The following MYLIP variants were observed in gnomAD, a reference collection of about 807,000 sequenced individuals.
MYLIP encodes the protein myosin regulatory light chain interacting protein, also known as E3 ubiquitin-protein ligase MYLIP.
Under a neutral mutation model 45.8 loss-of-function variants are expected in MYLIP, and 26 were observed. The ratio of observed to expected loss-of-function variants is 0.57; its 90% CI spans 0.42 to 0.79. MYLIP has a LOEUF of 0.79. Ranked by LOEUF, MYLIP falls within the 30% of genes least tolerant of loss-of-function variation. The pLI is 0.00. For missense variants in MYLIP, 494 were observed against 555.6 expected (o/e 0.89, Z 1.11); for synonymous variants, 213 against 218.1 (o/e 0.98, Z 0.21).
intron 2 of MYLIP, 65 bp downstream of exon 2, chr6:16,130,812 A>G: frequency 1.4e-6 from 2 of 1,475,464 alleles, no homozygotes; most frequent in Non-Finnish European, 1.8e-6. Flanking sequence ...GGGCCGCTGC[A>G]CCTTCCCAGA....
the MYLIP span, among the ~76,000 whole-genome samples, chr6:16,158,072 T>C: frequency 6.6e-6 from 1 of 152,230 alleles, no homozygotes; most frequent in Admixed American, 6.5e-5. Context: ...ACATGTGCTC[T>C]GGAGGAAGCT....
At chr6:16,134,154 C>T (rs1759508270) in intron 2 of MYLIP, among the ~76,000 whole-genome samples, 1 of 152,114 alleles carries the variant, frequency 6.6e-6, no homozygotes, top group Admixed American at 6.6e-5. Flanking sequence ...TGTTTATTAT[C>T]AGTCACTCTA....
intron 6 of MYLIP, 93 bp downstream of exon 6, chr6:16,145,410 A>G: frequency 7.2e-7 from 1 of 1,398,002 alleles, no homozygotes; most frequent in Non-Finnish European, 9.6e-7. Flanking sequence ...GCTAATGCAC[A>G]GACGGGGAAT....
chr6:16,147,324 A>G lies in MYLIP; in HGVS notation c.*573A>G, dbSNP rs972360369. On this transcript the variant is annotated 3_prime_UTR_variant, in exon 7 of 7. Coordinates refer to ENST00000356840, the MANE Select transcript of MYLIP (RefSeq NM_013262.4). The stretch of plus-strand genomic sequence containing the variant: ...TACAAATCAATTCTGTGACTTTTAA[A>G]AAGTTGACAATGTTGTCAGATTTAA... The G allele has an allele frequency of 6.5e-6, 1 of 153,480 alleles. No homozygotes were observed. The highest frequency in any genetic ancestry group is 1.5e-5 in the Non-Finnish European group (1 of 68,596). The allele number at this position is 153,480 out of a possible 1,614,324, so 9.5% of individuals were successfully genotyped here.
chr6:16,155,421 G>T, the MYLIP span, among the ~76,000 whole-genome samples: 2 of 152,224 alleles, frequency 1.3e-5, no homozygotes, highest in Admixed American at 1.3e-4. Flanking sequence ...GCAAGGGAAT[G>T]AATGACTAAA....
chr6:16,129,433 G>A lies in MYLIP; in HGVS notation c.87+24G>A. On this transcript the variant is annotated intron_variant, in intron 1 of 6. Coordinates refer to ENST00000356840, the MANE Select transcript of MYLIP (RefSeq NM_013262.4). This position sits in a 1 kb window ranked among gnomAD's most constrained non-coding sequence, Gnocchi z 5.1. Reference sequence around the variant, plus strand: ...AGGTGAGGGCGAGGGGCAAGAAGGGGCCCCGGCGGGTCCCGCGAGGCCGAG... The same window carrying A: ...AGGTGAGGGCGAGGGGCAAGAAGGGACCCCGGCGGGTCCCGCGAGGCCGAG... 3.2e-6 allele frequency: 5 copies of A among 1,563,288 alleles called. No individual in the cohort carries two copies. The East Asian group carries it at 1.2e-4, about 37-fold the overall frequency.
At chr6:16,158,212 C>T in the MYLIP span, among the ~76,000 whole-genome samples, 1 of 152,242 alleles carries the variant, frequency 6.6e-6, no homozygotes, top group Non-Finnish European at 1.5e-5. Flanking sequence ...CACACCGTCC[C>T]CGCCACTGAA....
In MYLIP at chr6:16,147,426, C is replaced by T. The variant is rs946814698; in HGVS notation, c.*675C>T. 1 of 152,598 alleles carries T rather than the reference C, an allele frequency of 6.6e-6. No homozygotes were observed. Among genetic ancestry groups the T allele is most frequent in the Non-Finnish European group, 1.5e-5 (1 of 68,056 alleles). 9.5% of individuals were successfully genotyped at this position (152,598 alleles called of 1,614,324 possible). ...CCTTTACGCTCCCCCTATCCCTACCCCACAAGCCTTTCGATTATAAAATAC... is the reference window on the plus strand; with the variant it reads ...CCTTTACGCTCCCCCTATCCCTACCTCACAAGCCTTTCGATTATAAAATAC... On this transcript the variant is annotated 3_prime_UTR_variant, in exon 7 of 7. Transcript: ENST00000356840.
chr6:16,137,318 C>CT (rs919584029), intron 2 of MYLIP, among the ~76,000 whole-genome samples: 55 of 152,298 alleles, frequency 3.6e-4, no homozygotes, highest in African/African-American at 1.3e-3. Flanking sequence ...ACTCATTGGA[C>CT]TGAGGCAGGC....
At chr6:16,142,405 C>A (rs150640386) in intron 3 of MYLIP, among the ~76,000 whole-genome samples, 2 of 152,208 alleles carry the variant, frequency 1.3e-5, no homozygotes, top group African/African-American at 4.8e-5. Context: ...AAGAATTAAA[C>A]CAGGAGATCT....
the MYLIP span, among the ~76,000 whole-genome samples, chr6:16,161,939 TTGTC>T: frequency 6.6e-6 from 1 of 152,188 alleles, no homozygotes; most frequent in African/African-American, 2.4e-5. Flanking sequence ...TTGGTAAAAA[TTGTC>T]AGTTACCAAA....
intron 2 of MYLIP, among the ~76,000 whole-genome samples, chr6:16,134,708 A>G (rs1759516594): frequency 6.6e-6 from 1 of 152,244 alleles, no homozygotes; most frequent in Admixed American, 6.5e-5. Flanking sequence ...CCCAAACACA[A>G]AATAGGCCCT....
At chr6:16,134,204 G>A (rs759691355) in intron 2 of MYLIP, among the ~76,000 whole-genome samples, 1 of 152,154 alleles carries the variant, frequency 6.6e-6, no homozygotes, top group Non-Finnish European at 1.5e-5. Context: ...TATCAACATT[G>A]TATCCCCAGA....
downstream of MYLIP, among the ~76,000 whole-genome samples, chr6:16,151,363 AAAAAG>A (rs1759878811): frequency 6.6e-6 from 1 of 151,634 alleles, no homozygotes; most frequent in African/African-American, 2.4e-5. Flanking sequence ...TCTCAAAAAA[AAAAAG>A]AAAAAAGAAA....
chr6:16,144,942 C>T lies in MYLIP; in HGVS notation c.873C>T (p.Asp291=). Residue 291 remains aspartate, a synonymous_variant, in exon 6 of 7, where the codon GAC becomes GAT. Transcript: ENST00000356840. ...CCGTGATGATGCAGTATAGCCGTGA[C>T]TTGAAGGGCCACTTGGCATCTCTGT... is the stretch of plus-strand genomic sequence containing the variant. ...TSAVMMQYSR[D]LKGHLASLFL... The T allele has an allele frequency of 6.2e-7, 1 of 1,614,192 alleles. No homozygotes were observed. The highest frequency in any genetic ancestry group is 8.5e-7 in the Non-Finnish European group (1 of 1,180,020).
At chr6:16,149,482 G>C (rs9396645), downstream of MYLIP, among the ~76,000 whole-genome samples, 7 of 152,236 alleles carry the variant, frequency 4.6e-5, no homozygotes, top group African/African-American at 1.7e-4. Flanking sequence ...AAAAGAAAGT[G>C]CATAGCCCAT....
chr6:16,148,901 T>C (rs150691306), downstream of MYLIP, among the ~76,000 whole-genome samples: 129 of 152,340 alleles, frequency 8.5e-4, 2 homozygotes, highest in African/African-American at 2.8e-3. Context: ...GATAATTATC[T>C]GTAGCAATTG....
chr6:16,146,534 C>T, intron 6 of MYLIP, 128 bp from the exon 7 acceptor site: 1 of 699,668 alleles, frequency 1.4e-6, no homozygotes. Context: ...CAATTGAAAG[C>T]TAGAAATCAC....
chr6:16,144,970 C>T lies in MYLIP; in HGVS notation c.901C>T (p.Leu301=), dbSNP rs781727282. ...GAAGGGCCACTTGGCATCTCTGTTTCTGAATGAAAACATTAACCTTGGCAA... is the reference window on the plus strand; with the variant it reads ...GAAGGGCCACTTGGCATCTCTGTTTTTGAATGAAAACATTAACCTTGGCAA... ...DLKGHLASLF[L]NENINLGKKY... The change falls in exon 6 of 7, where the codon CTG becomes TTG. Residue 301 remains leucine, a synonymous_variant. Coordinates refer to ENST00000356840, the MANE Select transcript of MYLIP (RefSeq NM_013262.4). 1.2e-6 allele frequency: 2 copies of T among 1,614,184 alleles called. No homozygotes were observed. The highest frequency in any genetic ancestry group is 3.3e-5 in the Admixed American group (2 of 60,030).
Sources: gnomAD v4.1 joint callset for allele counts (sites outside exome capture counted in the v4.1 genomes callset) on GRCh38, gnomAD v4.1.1 for gene constraint, Gnocchi (gnomAD v3.1) non-coding constraint, MANE v1.5 for transcripts, NCBI Gene and HGNC (gene_info 2026-07-23, HGNC 2026-07-21) for gene names.